The following ABR variants were observed in gnomAD, a reference collection of about 807,000 sequenced individuals.
The protein encoded by ABR is ABR activator of RhoGEF and GTPase, also known as active breakpoint cluster region-related protein.
Under a neutral mutation model 107.2 loss-of-function variants are expected in ABR, and 35 were observed. That is an observed-to-expected ratio of 0.33 (90% CI 0.25 to 0.43). The LOEUF is 0.43. ABR is among the 20% of genes least tolerant of loss of function. The probability of loss-of-function intolerance (pLI) is 1.00; values close to 1 mark genes in which losing one functional copy is unlikely to be tolerated. For missense variants in ABR, 815 were observed against 1,115.2 expected (o/e 0.73, Z 3.83); for synonymous variants, 498 against 462.0 (o/e 1.08, Z -1.00).
At chr17:1,048,659 C>T (rs1323281279) in intron 16 of ABR, among the ~76,000 whole-genome samples, 14 of 123,220 alleles carry the variant, frequency 1.1e-4, no homozygotes, top group African/African-American at 2.6e-4. Flanking sequence ...TCAAGAAGCT[C>T]GGCGCCCAGC....
intron 14 of ABR, chr17:1,055,686 C>A: frequency 9.6e-6 from 2 of 207,728 alleles, no homozygotes; most frequent in South Asian, 2.0e-4. Context: ...CACCGCCATG[C>A]CCACGCTAAT....
intron 1 of ABR, among the ~76,000 whole-genome samples, chr17:1,144,611 G>C (rs1042787541): frequency 4.6e-5 from 7 of 152,010 alleles, no homozygotes; most frequent in African/African-American, 1.7e-4. Context: ...AGGGGCAGGG[G>C]CCAGGCTCAG....
intron 1 of ABR, among the ~76,000 whole-genome samples, chr17:1,159,953 C>T (rs1192739438): frequency 6.6e-6 from 1 of 152,226 alleles, no homozygotes; most frequent in African/African-American, 2.4e-5. Flanking sequence ...GATGCTGGCC[C>T]TGAACTGCAG....
rs192986574 is a variant in ABR, at chr17:1,004,506, G to C, written c.*1574C>G. Reference sequence around the variant, plus strand: ...CCCGGAAACGACGCTCTGCCACACAGAAGAGCCGGGGAGCTGTAACTGGCT... The same window carrying C: ...CCCGGAAACGACGCTCTGCCACACACAAGAGCCGGGGAGCTGTAACTGGCT... On this transcript the variant is annotated 3_prime_UTR_variant, in exon 23 of 23. Coordinates refer to ENST00000302538, the MANE Select transcript of ABR (RefSeq NM_021962.5). 213 of 152,782 alleles carry C rather than the reference G, an allele frequency of 1.4e-3. No homozygotes were observed. Among genetic ancestry groups the C allele is most frequent in the African/African-American group, 5.0e-3 (210 of 41,624 alleles). The allele number at this position is 152,782 out of a possible 1,614,324, so 9.5% of individuals were successfully genotyped here.
chr17:1,184,281 C>T (rs1368391230), upstream of ABR, among the ~76,000 whole-genome samples: 1 of 152,146 alleles, frequency 6.6e-6, no homozygotes, highest in Admixed American at 6.5e-5. Context: ...CGGGGAAACC[C>T]CGTCCCTACT....
chr17:1,118,349 T>A (rs111412619), intron 2 of ABR, among the ~76,000 whole-genome samples: 1 of 20,340 alleles, frequency 4.9e-5, no homozygotes, highest in African/African-American at 2.4e-4. Context: ...CCCAGCATTA[T>A]CCCTGAGCCT....
intron 21 of ABR, among the ~76,000 whole-genome samples, 184 bp from the exon 22 acceptor site, chr17:1,007,496 G>C (rs919681626): frequency 6.6e-6 from 1 of 152,192 alleles, no homozygotes; most frequent in African/African-American, 2.4e-5. Context: ...CAGGGCCCCA[G>C]CCATGTGCCA....
At position 1,157,036 on chromosome 17, in the gene ABR, C is replaced by G. The variant is rs946375191; in HGVS notation, c.61+22631G>C. Among the ~76,000 whole-genome samples, 1 of 152,184 alleles carries G rather than the reference C, an allele frequency of 6.6e-6. No homozygotes were observed. Among genetic ancestry groups the G allele is most frequent in the Non-Finnish European group, 1.5e-5 (1 of 68,038 alleles). On this transcript the variant is annotated intron_variant, in intron 1 of 22. Coordinates refer to ENST00000302538, the MANE Select transcript of ABR (RefSeq NM_021962.5). This position sits in a 1 kb window ranked among gnomAD's most constrained non-coding sequence, Gnocchi z 4.7. ...AATAACAACAGTCCACACACACATACGATAAGTTAACTCACCGCAGCCTCA... is the reference window on the plus strand; with the variant it reads ...AATAACAACAGTCCACACACACATAGGATAAGTTAACTCACCGCAGCCTCA...
In ABR at chr17:1,125,211, G is replaced by A. The variant is rs200197150; in HGVS notation, c.218C>T (p.Pro73Leu). The change falls in exon 2 of 23, where the codon CCG becomes CTG. Residue 73 changes from proline to leucine, a missense_variant. Physicochemically the swap from Pro to Leu is moderately conservative, Grantham distance 98. This residue lies in a region of ABR where 129 missense variants were observed against 124.8 expected (regional missense o/e 1.03). Coordinates refer to ENST00000302538, the MANE Select transcript of ABR (RefSeq NM_021962.5). ...AGGAGCCAGTCCCTCAGGTGGAGTCGGGGAGACGCCATCCCCCCCGCCCTG... is the reference window on the plus strand; with the variant it reads ...AGGAGCCAGTCCCTCAGGTGGAGTCAGGGAGACGCCATCCCCCCCGCCCTG... ...RSQGGGDGVS[P>L]TPPEGLAPGV... The A allele has an allele frequency of 8.9e-5, 142 of 1,602,862 alleles. 1 individual carries two copies. The highest frequency in any genetic ancestry group is 2.5e-5 in the Non-Finnish European group (29 of 1,173,266).
At chr17:1,042,970 C>A (rs1326318166) in intron 16 of ABR, among the ~76,000 whole-genome samples, 1 of 152,176 alleles carries the variant, frequency 6.6e-6, no homozygotes, top group Non-Finnish European at 1.5e-5. Flanking sequence ...ATTCCACCTA[C>A]GTAAGGTTCC....
At chr17:1,153,856 C>A (rs1272984134) in intron 1 of ABR, 3 of 210,236 alleles carry the variant, frequency 1.4e-5, no homozygotes, top group Non-Finnish European at 2.9e-5. Flanking sequence ...CTGTCACACG[C>A]ATCACATGGT....
intron 1 of ABR, among the ~76,000 whole-genome samples, chr17:1,134,972 C>T (rs1307642860): frequency 6.6e-6 from 1 of 152,230 alleles, no homozygotes; most frequent in Non-Finnish European, 1.5e-5. Flanking sequence ...GACACGCATA[C>T]GGCACTTAGC....
At chr17:1,109,931 C>A (rs1470152315) in intron 2 of ABR, among the ~76,000 whole-genome samples, 1 of 115,898 alleles carries the variant, frequency 8.6e-6, no homozygotes, top group Non-Finnish European at 1.8e-5. Flanking sequence ...TCTGAGCAGC[C>A]CCCCCACTCA....
chr17:1,076,182 C>T (rs944528901), intron 6 of ABR, among the ~76,000 whole-genome samples: 1 of 152,224 alleles, frequency 6.6e-6, no homozygotes, highest in African/African-American at 2.4e-5. Context: ...GGATTACAGG[C>T]ATGAGTACCC....
chr17:1,094,708 C>A (rs1197704428), intron 3 of ABR, among the ~76,000 whole-genome samples: 1 of 152,156 alleles, frequency 6.6e-6, no homozygotes, highest in Non-Finnish European at 1.5e-5. Context: ...AATGGGCCAA[C>A]ACAGATGAAA....
intron 1 of ABR, among the ~76,000 whole-genome samples, chr17:1,220,388 G>A (rs4643388): frequency 0.64 from 97,289 of 152,070 alleles, 32,288 homozygotes; most frequent in East Asian, 0.76. Flanking sequence ...ATCTCAGGCC[G>A]ACTGTAGCGA....
intron 2 of ABR, among the ~76,000 whole-genome samples, chr17:1,120,824 A>C (rs73275138): frequency 0.047 from 7,216 of 152,212 alleles, 588 homozygotes; most frequent in African/African-American, 0.17. Context: ...CCCTCAGGCC[A>C]CACAGTGAGA....
chr17:1,158,207 A>T (rs2041121733), intron 1 of ABR, among the ~76,000 whole-genome samples: 1 of 152,054 alleles, frequency 6.6e-6, no homozygotes, highest in South Asian at 2.1e-4. Context: ...GCTCACAGGA[A>T]CATGCTTACA....
intron 16 of ABR, chr17:1,031,521 C>A (rs1336252838): frequency 1.4e-5 from 3 of 208,612 alleles, no homozygotes; most frequent in African/African-American, 1.1e-4. Flanking sequence ...CATCAGCCCC[C>A]GCAGCCCCCG....
Sources: allele counts gnomAD v4.1 joint callset (sites outside exome capture counted in the v4.1 genomes callset), GRCh38; gene constraint gnomAD v4.1.1; regional missense constraint gnomAD v4.1.1; non-coding constraint Gnocchi (gnomAD v3.1); transcripts MANE v1.5; gene names NCBI Gene and HGNC (gene_info 2026-07-23, HGNC 2026-07-21).